Variants in HECA observed in about 807,000 individuals in gnomAD.
The protein encoded by HECA is headcase protein homolog.
Under a neutral mutation model 37.6 loss-of-function variants are expected in HECA, and 13 were observed. The observed-to-expected ratio is 0.35, with a 90% CI of 0.23 to 0.55. The LOEUF (loss-of-function observed/expected upper bound fraction) is 0.55. HECA is among the 20% of genes least tolerant of loss of function. The pLI is 0.90. For synonymous variants in HECA, 307 were observed against 291.5 expected, an observed-to-expected ratio of 1.05 and a Z score of -0.54; for missense variants, 527 against 701.9, an observed-to-expected ratio of 0.75 and a Z score of 2.82.
rs2114473172 is a variant in HECA at position 139,166,540 on chromosome 6, C to T, written c.528C>T (p.Cys176=). The change falls in exon 2 of 4, where the codon TGC becomes TGT. Residue 176 remains cysteine (C), a synonymous_variant. Coordinates refer to ENST00000367658, the MANE Select transcript of HECA (RefSeq NM_016217.3). The part of the protein sequence containing the change: ...KKGYDLAFRF[C]SCRCGQGHLK... ...GCTACGACCTGGCCTTCCGCTTCTGCTCTTGCCGCTGTGGCCAGGGCCACT... is the reference window on the plus strand; with the variant it reads ...GCTACGACCTGGCCTTCCGCTTCTGTTCTTGCCGCTGTGGCCAGGGCCACT... The T allele has an allele frequency of 6.2e-7, 1 of 1,614,250 alleles. No homozygotes were observed. The highest frequency in any genetic ancestry group is 2.2e-5 in the East Asian group (1 of 44,882).
In HECA at chr6:139,176,904, G is replaced by T. The variant is rs765284778; in HGVS notation, c.1468-37G>T. 1.8e-5 allele frequency: 15 copies of T among 850,190 alleles called. No individual in the cohort carries two copies. The highest frequency in any genetic ancestry group is 2.9e-5 in the Non-Finnish European group (14 of 484,640). The allele number at this position is 850,190 out of a possible 1,614,324, so 52.7% of individuals were successfully genotyped here. ...TGACTTTGACAAGTGTTGGGAAGTG[G>T]AGGGGTGTTGTGGCTGATGGTGTCT... On this transcript the variant is annotated intron_variant, in intron 3 of 3. Transcript: ENST00000367658. The surrounding 1 kb of genome is among the most constrained non-coding windows in gnomAD (Gnocchi z 4.5).
intron 1 of HECA, among the ~76,000 whole-genome samples, chr6:139,141,827 A>G (rs1364732971): frequency 3.4e-5 from 5 of 146,402 alleles, no homozygotes; most frequent in Admixed American, 2.1e-4. Context: ...ATCTCAGCTC[A>G]CTGCATCCTC....
At chr6:139,162,480 G>C (rs1325137987) in intron 1 of HECA, among the ~76,000 whole-genome samples, 2 of 152,234 alleles carry the variant, frequency 1.3e-5, no homozygotes, top group South Asian at 2.1e-4. Flanking sequence ...GCTCATAAAT[G>C]GTCCTGCCTG....
intron 3 of HECA, among the ~76,000 whole-genome samples, chr6:139,175,409 TAAAG>T (rs1366797301): frequency 6.6e-6 from 1 of 152,240 alleles, no homozygotes; most frequent in Non-Finnish European, 1.5e-5. Flanking sequence ...TTGATTTTTG[TAAAG>T]AGAGTATCTT....
chr6:139,137,125 A>G (rs945247613), intron 1 of HECA, among the ~76,000 whole-genome samples: 2 of 152,100 alleles, frequency 1.3e-5, no homozygotes, highest in African/African-American at 4.8e-5. Flanking sequence ...TCAGAATACT[A>G]GTTTTGGGTA....
At position 139,135,662 on chromosome 6, in the gene HECA, A is replaced by C; in HGVS notation, c.266A>C (p.Lys89Thr). Residue 89 changes from lysine (K) to threonine (T), a missense_variant, in exon 1 of 4, where the codon AAA becomes ACA. Transcript: ENST00000367658. Reference protein sequence around the residue: ...AAGAAAAGDAKNEAPCATPLI... With the variant: ...AAGAAAAGDATNEAPCATPLI... The stretch of plus-strand genomic sequence containing the variant: ...GGGGCTGCGGCCGCGGGCGATGCCA[A>C]AAACGGTAAGACGGGGCTGGCGGGG... 1.0e-6 allele frequency: 1 copy of C among 982,346 alleles called. No homozygotes were observed. Among genetic ancestry groups the C allele is most frequent in the Non-Finnish European group, 1.2e-6 (1 of 827,228 alleles). The allele number at this position is 982,346 out of a possible 1,614,324, so 60.9% of individuals were successfully genotyped here.
chr6:139,148,479 A>G (rs1347953624), intron 1 of HECA, among the ~76,000 whole-genome samples: 1 of 152,120 alleles, frequency 6.6e-6, no homozygotes, highest in Admixed American at 6.5e-5. Flanking sequence ...ATTGGTTGCA[A>G]CCCGCCAGGT....
chr6:139,138,453 C>G (rs908879523), intron 1 of HECA, among the ~76,000 whole-genome samples: 1 of 152,194 alleles, frequency 6.6e-6, no homozygotes, highest in South Asian at 2.1e-4. Context: ...AGTCAGCTAT[C>G]TACATCTGCA....
At position 139,136,296 on chromosome 6, in the gene HECA, G is replaced by T. The variant is rs931676241; in HGVS notation, c.271+629G>T. On this transcript the variant is annotated intron_variant, in intron 1 of 3. Coordinates refer to ENST00000367658, the MANE Select transcript of HECA (RefSeq NM_016217.3). ...AAAAAAAAAAAAAAAAGAAAAGAAAGAAAAGAAAAATCATTCTCTATGTCA... is the reference window on the plus strand; with the variant it reads ...AAAAAAAAAAAAAAAAGAAAAGAAATAAAAGAAAAATCATTCTCTATGTCA... Among the ~76,000 whole-genome samples the T allele has an allele frequency of 2.7e-5, 4 of 147,038 alleles. No individual in the cohort carries two copies. The East Asian group carries it at 8.1e-4, about 30-fold the overall frequency.
intron 1 of HECA, among the ~76,000 whole-genome samples, chr6:139,138,000 G>T (rs992074480): frequency 2.6e-5 from 4 of 152,168 alleles, no homozygotes; most frequent in African/African-American, 9.7e-5. Context: ...TGTTTCTGAA[G>T]TGATGTGAAG....
intron 1 of HECA, among the ~76,000 whole-genome samples, chr6:139,139,560 C>T (rs1198541969): frequency 6.6e-6 from 1 of 152,120 alleles, no homozygotes; most frequent in Non-Finnish European, 1.5e-5. Context: ...GGGAAGGAAG[C>T]AGGATTGGGC....
At position 139,154,254 on chromosome 6, in the gene HECA, A is replaced by G. The variant is rs987718247; in HGVS notation, c.272-12030A>G. The stretch of plus-strand genomic sequence containing the variant: ...TTTTCCATGAATATTTTCCATTGAC[A>G]ATTGGTCAAATCCATGGATGTGGAA... On this transcript the variant is annotated intron_variant, in intron 1 of 3. Coordinates refer to ENST00000367658, the MANE Select transcript of HECA (RefSeq NM_016217.3). Among the ~76,000 whole-genome samples the G allele has an allele frequency of 2.0e-5, 3 of 152,220 alleles. No homozygotes were observed. In the East Asian group the frequency reaches 5.8e-4, roughly 29 times the overall value.
intron 1 of HECA, among the ~76,000 whole-genome samples, chr6:139,156,666 G>A (rs910836623): frequency 1.3e-5 from 2 of 152,228 alleles, no homozygotes; most frequent in Non-Finnish European, 2.9e-5. Context: ...GAGAGTTAAT[G>A]CTGATAGAAT....
At chr6:139,157,191 G>A (rs1385643873) in intron 1 of HECA, among the ~76,000 whole-genome samples, 8 of 152,166 alleles carry the variant, frequency 5.3e-5, no homozygotes, top group Non-Finnish European at 1.2e-4. Context: ...TCATGGCACT[G>A]GTGGGAGTGG....
At chr6:139,169,601 T>G (rs1177094064) in intron 2 of HECA, 1 of 152,208 alleles carries the variant, frequency 6.6e-6, no homozygotes, top group African/African-American at 2.4e-5. Flanking sequence ...AAAGGATAAT[T>G]TAATGACTTC....
chr6:139,135,727 C>A, intron 1 of HECA, 60 bp downstream of exon 1: 2 of 799,524 alleles, frequency 2.5e-6, no homozygotes, highest in Non-Finnish European at 3.0e-6. Context: ...GGCGCGGTGG[C>A]GGGGCCCTGG....
At chr6:139,171,024 T>C (rs148750903) in intron 2 of HECA, among the ~76,000 whole-genome samples, 86 of 151,680 alleles carry the variant, frequency 5.7e-4, no homozygotes, top group African/African-American at 2.1e-3. Flanking sequence ...AGAAAGGAGA[T>C]GGGTAGATAA....
chr6:139,140,759 A>G (rs1774503279), intron 1 of HECA, among the ~76,000 whole-genome samples: 1 of 152,206 alleles, frequency 6.6e-6, no homozygotes, highest in South Asian at 2.1e-4. Flanking sequence ...ACAGAAAAAA[A>G]TCTGTCCTAA....
intron 1 of HECA, among the ~76,000 whole-genome samples, chr6:139,149,845 A>C (rs1350640100): frequency 6.6e-6 from 1 of 152,182 alleles, no homozygotes; most frequent in Non-Finnish European, 1.5e-5. Flanking sequence ...CACCAGTGTG[A>C]GCATAGCTGA....
Sources: allele counts gnomAD v4.1 joint callset (sites outside exome capture counted in the v4.1 genomes callset), GRCh38; gene constraint gnomAD v4.1.1; non-coding constraint Gnocchi (gnomAD v3.1); transcripts MANE v1.5; gene names NCBI Gene and HGNC (gene_info 2026-07-23, HGNC 2026-07-21).